OGDH: variants seen among roughly 807,000 people sequenced by gnomAD.
OGDH encodes oxoglutarate dehydrogenase.
In OGDH, 38 loss-of-function variants were observed where a neutral mutation model predicts 116.6. The observed-to-expected ratio is 0.33, with a 90% CI of 0.25 to 0.43. OGDH has a LOEUF of 0.43. Among genes scored for constraint, OGDH ranks in the 20% least tolerant of loss-of-function variants. The probability of loss-of-function intolerance (pLI) is 1.00; values close to 1 mark genes in which losing one functional copy is unlikely to be tolerated. For synonymous variants in OGDH, 488 were observed against 533.3 expected (o/e 0.92, Z 1.17); for missense variants, 825 against 1,357.2 (o/e 0.61, Z 6.16).
At chr7:44,616,652 C>T (rs547347174) in intron 1 of OGDH, among the ~76,000 whole-genome samples, 3 of 146,944 alleles carry the variant, frequency 2.0e-5, no homozygotes, top group Non-Finnish European at 4.5e-5. Context: ...TATATATACA[C>T]ATATATATAC....
rs180717068 is a variant in OGDH at position 44,618,353 on chromosome 7, C to T, written c.-27-5964C>T. Among the ~76,000 whole-genome samples the T allele has an allele frequency of 2.6e-5, 4 of 152,300 alleles. No homozygotes were observed. The East Asian group carries it at 7.7e-4, about 29-fold the overall frequency. On this transcript the variant is annotated intron_variant, in intron 1 of 22. Transcript: ENST00000222673. ...GCACAATCTAGTTTTAGAGCATTTT[C>T]ATCCTCTCCTCCCAAAAAGAAAGCC...
At chr7:44,636,995 A>C (rs1383858649) in intron 2 of OGDH, among the ~76,000 whole-genome samples, 1 of 152,050 alleles carries the variant, frequency 6.6e-6, no homozygotes, top group Non-Finnish European at 1.5e-5. Context: ...TGGTGGCAAA[A>C]GTCAGCCATT....
chr7:44,678,231 C>G (rs139342000), intron 9 of OGDH, among the ~76,000 whole-genome samples: 2 of 152,058 alleles, frequency 1.3e-5, no homozygotes, highest in African/African-American at 4.8e-5. Flanking sequence ...AAGGTGAGAT[C>G]GGCATGGGGA....
At chr7:44,698,840 TA>T (rs750560729) in intron 18 of OGDH, among the ~76,000 whole-genome samples, 1,541 of 127,578 alleles carry the variant, frequency 0.012, 8 homozygotes, top group African/African-American at 0.02. Flanking sequence ...TACCCTGTCT[TA>T]AAAAAAAAAA....
chr7:44,670,073 C>G (rs1283996962), intron 5 of OGDH, among the ~76,000 whole-genome samples: 1 of 151,762 alleles, frequency 6.6e-6, no homozygotes, highest in Non-Finnish European at 1.5e-5. Flanking sequence ...GCCCTTTTCT[C>G]CTGGAGACAG....
chr7:44,657,471 T>G (rs963271118), intron 4 of OGDH, among the ~76,000 whole-genome samples: 1 of 152,246 alleles, frequency 6.6e-6, no homozygotes, highest in African/African-American at 2.4e-5. Context: ...ATGGTGTGGA[T>G]GTACTATGAT....
chr7:44,676,642 T>TATATATATA (rs1554304093), intron 9 of OGDH: 1 of 190,336 alleles, frequency 5.3e-6, no homozygotes, highest in Non-Finnish European at 9.1e-6. Flanking sequence ...ATATATATAT[T>TATATATATA]TAAAATCAAC....
intron 4 of OGDH, among the ~76,000 whole-genome samples, chr7:44,654,313 A>T (rs1786589222): frequency 6.6e-6 from 1 of 152,254 alleles, no homozygotes; most frequent in African/African-American, 2.4e-5. Context: ...TTAAATAGTT[A>T]AAAAGTCAAT....
chr7:44,708,115 C>A lies in OGDH; in HGVS notation c.*116C>A. Reference sequence around the variant, plus strand: ...CACACCACCGCCCTCCTCGCTGTGCCACCACCCCTCCCTCTGCTCTCATAG... The same window carrying A: ...CACACCACCGCCCTCCTCGCTGTGCAACCACCCCTCCCTCTGCTCTCATAG... On this transcript the variant is annotated 3_prime_UTR_variant, in exon 23 of 23. Coordinates refer to ENST00000222673, the MANE Select transcript of OGDH (RefSeq NM_002541.4). The A allele has an allele frequency of 7.3e-7, 1 of 1,364,250 alleles. No homozygotes were observed. The highest frequency in any genetic ancestry group is 1.4e-5 in the South Asian group (1 of 73,408). 84.5% of individuals were successfully genotyped at this position (1,364,250 alleles called of 1,614,324 possible). A position where few individuals can be genotyped will look rare whatever the true frequency, so the allele number is the denominator to read the frequency against.
intron 1 of OGDH, among the ~76,000 whole-genome samples, chr7:44,621,727 C>T (rs1018902228): frequency 3.3e-5 from 5 of 152,022 alleles, no homozygotes; most frequent in Non-Finnish European, 7.4e-5. Flanking sequence ...CAAAAATTAA[C>T]CAGGTGTGAT....
At position 44,673,830 on chromosome 7, in the gene OGDH, A is replaced by G; in HGVS notation, c.677A>G (p.Asn226Ser). 1 of 1,614,228 alleles carries G rather than the reference A, an allele frequency of 6.2e-7. No individual in the cohort carries two copies. The highest frequency in any genetic ancestry group is 8.5e-7 in the Non-Finnish European group (1 of 1,180,040). Residue 226 changes from asparagine to serine, a missense_variant, in exon 6 of 23, where the codon AAT becomes AGT. Asn to Ser is a conservative substitution (Grantham distance 46). This residue lies in a region of OGDH where 171 missense variants were observed against 276.8 expected (regional missense o/e 0.62). Transcript: ENST00000222673. ...QHIGVEFMFI[N>S]DLEQCQWIRQ... ...ATTGGGGTGGAGTTCATGTTCATCA[A>G]TGACCTGGAGCAGTGCCAGTGGATC...
chr7:44,630,515 A>T (rs2115559819), intron 2 of OGDH, among the ~76,000 whole-genome samples: 1 of 152,292 alleles, frequency 6.6e-6, no homozygotes, highest in African/African-American at 2.4e-5. Flanking sequence ...TGAGTATTTT[A>T]ATCTTTTATG....
chr7:44,676,610 G>GTATATATA (rs1471345029), intron 9 of OGDH: 2 of 140,794 alleles, frequency 1.4e-5, no homozygotes, highest in African/African-American at 6.0e-5. Context: ...ATGTGTGTGT[G>GTATATATA]TGTGTATATA....
chr7:44,608,243 A>C (rs925309953), intron 1 of OGDH, among the ~76,000 whole-genome samples: 2 of 152,106 alleles, frequency 1.3e-5, no homozygotes, highest in Non-Finnish European at 2.9e-5. Flanking sequence ...GTCTACAAAA[A>C]ATAAAATTAT....
At chr7:44,647,353 T>C in intron 3 of OGDH, 1 of 813,638 alleles carries the variant, frequency 1.2e-6, no homozygotes, top group Admixed American at 2.5e-5. Context: ...GTGTTCCTCT[T>C]TGGAAAAGGT....
chr7:44,675,373 A>G (rs1344852118), intron 8 of OGDH, 105 bp downstream of exon 8: 3 of 931,734 alleles, frequency 3.2e-6, no homozygotes, highest in East Asian at 2.7e-5. Flanking sequence ...GTTCTTCTGT[A>G]CCATTTGTGA....
chr7:44,675,858 C>G (rs916724704), intron 8 of OGDH, 112 bp from the exon 9 acceptor site: 2 of 1,124,084 alleles, frequency 1.8e-6, no homozygotes, highest in Admixed American at 4.7e-5. Flanking sequence ...ACCTGGGCAA[C>G]AAGAGCGAAA....
At position 44,676,116 on chromosome 7, in the gene OGDH, A is replaced by G. The variant is rs776110148; in HGVS notation, c.1173A>G (p.Glu391=). ...TGGTGATGGGCAAGACCAAAGCCGA[A>G]CAGTTTTACTGTGGCGACACTGAAG... ...DPVVMGKTKA[E]QFYCGDTEGK... Residue 391 remains glutamate, a synonymous_variant, in exon 9 of 23, where the codon GAA becomes GAG. Coordinates refer to ENST00000222673, the MANE Select transcript of OGDH (RefSeq NM_002541.4). 17 of 1,614,136 alleles carry G rather than the reference A, an allele frequency of 1.1e-5. No individual in the cohort carries two copies. In the South Asian group the frequency reaches 1.6e-4, roughly 16 times the overall value.
chr7:44,702,124 A>C (rs1467369540), intron 20 of OGDH, among the ~76,000 whole-genome samples: 1 of 151,948 alleles, frequency 6.6e-6, no homozygotes, highest in African/African-American at 2.4e-5. Context: ...CACAGCTTAC[A>C]TTCACGTTGG....
Sources: allele counts gnomAD v4.1 joint callset (sites outside exome capture counted in the v4.1 genomes callset), GRCh38; gene constraint gnomAD v4.1.1; regional missense constraint gnomAD v4.1.1; transcripts MANE v1.5; gene names NCBI Gene and HGNC (gene_info 2026-07-23, HGNC 2026-07-21).